The following NUMBL variants were observed in gnomAD, a reference collection of about 807,000 sequenced individuals.
NUMBL encodes numb-like protein.
A neutral mutation model predicts 48.9 loss-of-function variants in NUMBL; 20 were observed. The ratio of observed to expected loss-of-function variants is 0.41; its 90% confidence interval spans 0.29 to 0.59. NUMBL has a LOEUF of 0.59. Ranked by LOEUF, NUMBL falls within the 20% of genes least tolerant of loss-of-function variation. The pLI is 0.31. For synonymous variants in NUMBL, 340 were observed against 348.7 expected, an observed-to-expected ratio of 0.98 and a Z score of 0.28; for missense variants, 660 against 846.2, an observed-to-expected ratio of 0.78 and a Z score of 2.73.
At chr19:40,674,626 G>A (rs887784972) in intron 7 of NUMBL, among the ~76,000 whole-genome samples, 17 of 152,264 alleles carry the variant, frequency 1.1e-4, no homozygotes, top group South Asian at 8.3e-4. Flanking sequence ...ACACAATGGG[G>A]CACCCATGCA....
At chr19:40,680,859 T>TG in intron 6 of NUMBL, 58 bp downstream of exon 6, 1 of 1,594,404 alleles carries the variant, frequency 6.3e-7, no homozygotes, top group South Asian at 1.1e-5. Flanking sequence ...CTTGTAGGGG[T>TG]GGGGCTGGGA....
In NUMBL at chr19:40,682,723, C is replaced by T. The variant is rs761223402; in HGVS notation, c.399+5G>A. 1 of 1,613,998 alleles carries T rather than the reference C, an allele frequency of 6.2e-7. No homozygotes were observed. Among genetic ancestry groups the T allele is most frequent in the South Asian group, 1.1e-5 (1 of 91,066 alleles). ...CCCTGGCGTCCACCCCCACAGGCCTCCTACCTTGGTTTTGTCGTCCACCAC... is the reference window on the plus strand; with the variant it reads ...CCCTGGCGTCCACCCCCACAGGCCTTCTACCTTGGTTTTGTCGTCCACCAC... On this transcript the variant is annotated splice_donor_5th_base_variant and intron_variant, in intron 5 of 9. Coordinates refer to ENST00000252891, the MANE Select transcript of NUMBL (RefSeq NM_004756.5). The surrounding 1 kb of genome is among the most constrained non-coding windows in gnomAD (Gnocchi z 4.0).
Position 40,667,747 on chromosome 19 carries a change from T to C in NUMBL, c.1551A>G (p.Ala517=). 6.3e-7 allele frequency: 1 copy of C among 1,579,654 alleles called. No individual in the cohort carries two copies. The highest frequency in any genetic ancestry group is 8.6e-7 in the Non-Finnish European group (1 of 1,163,600). The change falls in exon 10 of 10, where the codon GCA becomes GCG. Residue 517 remains alanine, a synonymous_variant. Transcript: ENST00000252891. This position sits in a 1 kb window ranked among gnomAD's most constrained non-coding sequence, Gnocchi z 6.1. ...VVGITPSQMV[A]NAFCSAAQLQ... ...GCTGGGCGGCTGAGCAGAAGGCGTT[T>C]GCCACCATCTGTGAGGGTGTGATGC...
In NUMBL at chr19:40,687,051, G is replaced by A; in HGVS notation, c.25-56C>T. 2 of 1,098,898 alleles carry A rather than the reference G, an allele frequency of 1.8e-6. No individual in the cohort carries two copies. The highest frequency in any genetic ancestry group is 3.3e-5 in the South Asian group (2 of 60,764). The allele number at this position is 1,098,898 out of a possible 1,614,324, so 68.1% of individuals were successfully genotyped here. A position where few individuals can be genotyped will look rare whatever the true frequency, so the allele number is the denominator to read the frequency against. On this transcript the variant is annotated intron_variant, in intron 1 of 9. Transcript: ENST00000252891. The surrounding 1 kb of genome is among the most constrained non-coding windows in gnomAD (Gnocchi z 4.6). ...GTTTGTCTGGGTTGGGGCTCAGTCT[G>A]ATACTTCACCCCGACTTTGGACTTC...
At chr19:40,668,837 A>G (rs1166058722) in intron 9 of NUMBL, among the ~76,000 whole-genome samples, 1 of 152,178 alleles carries the variant, frequency 6.6e-6, no homozygotes, top group African/African-American at 2.4e-5. Context: ...AGATTCTAAG[A>G]TTGCATGGAT....
At chr19:40,680,178 C>CTGGA (rs2081897692) in intron 6 of NUMBL, among the ~76,000 whole-genome samples, 1 of 151,956 alleles carries the variant, frequency 6.6e-6, no homozygotes, top group African/African-American at 2.4e-5. Flanking sequence ...GTCACCCAGG[C>CTGGA]TGGAGTGCAG....
chr19:40,678,540 G>GCA (rs1568429656), intron 6 of NUMBL, among the ~76,000 whole-genome samples: 1 of 152,086 alleles, frequency 6.6e-6, no homozygotes, highest in African/African-American at 2.4e-5. Context: ...CAGAAAGCAG[G>GCA]CATCCATCTG....
chr19:40,680,055 T>G (rs73546892), intron 6 of NUMBL, among the ~76,000 whole-genome samples: 1,804 of 152,132 alleles, frequency 0.012, 27 homozygotes, highest in African/African-American at 0.033. Flanking sequence ...AGGAAGGAAT[T>G]CATCCAACAT....
intron 7 of NUMBL, among the ~76,000 whole-genome samples, chr19:40,675,576 A>AACACACACAC (rs3071383): frequency 3.7e-4 from 53 of 142,390 alleles, no homozygotes; most frequent in African/African-American, 1.3e-3. Flanking sequence ...TTATATTTTA[A>AACACACACAC]ACACACACAC....
intron 3 of NUMBL, chr19:40,684,068 G>GTT (rs10684015): frequency 0.3 from 37,510 of 124,966 alleles, 7,468 homozygotes; most frequent in African/African-American, 0.52. Context: ...TACGCTTCAA[G>GTT]TTTTTTTTTT....
chr19:40,679,861 T>C (rs2081895992), intron 6 of NUMBL, among the ~76,000 whole-genome samples: 1 of 152,140 alleles, frequency 6.6e-6, no homozygotes, highest in African/African-American at 2.4e-5. Context: ...GGGTCTCCTT[T>C]AGCGGTGATG....
Position 40,667,576 on chromosome 19 carries a change from C to T in NUMBL, c.1722G>A (p.Leu574=), listed in dbSNP as rs1355027070. The T allele has an allele frequency of 6.4e-7, 1 of 1,557,606 alleles. No individual in the cohort carries two copies. Residue 574 remains leucine, a synonymous_variant, in exon 10 of 10, where the codon TTG becomes TTA. Transcript: ENST00000252891. The surrounding 1 kb of genome is among the most constrained non-coding windows in gnomAD (Gnocchi z 6.1). ...PEPAPAPAPE[L]DPFEAQWAAL... ...CCGCCCACTGGGCCTCAAAGGGGTC[C>T]AACTCTGGAGCTGGGGCAGGCGCTG...
chr19:40,684,529 C>A lies in NUMBL; in HGVS notation c.137G>T (p.Arg46Leu). The A allele has an allele frequency of 1.2e-6, 2 of 1,609,842 alleles. No individual in the cohort carries two copies. Among genetic ancestry groups the A allele is most frequent in the South Asian group, 1.1e-5 (1 of 90,396 alleles). The change falls in exon 3 of 10, where the codon CGG becomes CTG. Residue 46 changes from arginine (R) to leucine (L), a missense_variant. By Grantham distance (102) the Arg-to-Leu change is moderately radical. This residue lies in a region of NUMBL where 86 missense variants were observed against 85.9 expected (regional missense o/e 1.00). Coordinates refer to ENST00000252891, the MANE Select transcript of NUMBL (RefSeq NM_004756.5). Reference sequence around the variant, plus strand: ...TGGCTTCCTCCGCCGCAGGCTCTGCCGTAACTTGTTCATGGTGCCCGCCCC... The same window carrying A: ...TGGCTTCCTCCGCCGCAGGCTCTGCAGTAACTTGTTCATGGTGCCCGCCCC... ...PDGAGTMNKL[R>L]QSLRRRKPAY...
At chr19:40,668,982 A>G (rs965584882) in intron 9 of NUMBL, among the ~76,000 whole-genome samples, 1 of 152,188 alleles carries the variant, frequency 6.6e-6, no homozygotes, top group African/African-American at 2.4e-5. Flanking sequence ...GGATAAGCCC[A>G]TGGCTCTAAG....
Position 40,669,899 on chromosome 19 carries a change from T to C in NUMBL, c.1158A>G (p.Thr386=), listed in dbSNP as rs151131252. The change falls in exon 9 of 10, where the codon ACA becomes ACG. Residue 386 remains threonine, a splice_region_variant and synonymous_variant. Coordinates refer to ENST00000252891, the MANE Select transcript of NUMBL (RefSeq NM_004756.5). ...APAPGPPPAT[T]GTSAWGEPSV... is the part of the protein sequence containing the mutation. ...GCCCAGCAGAAAGCCTGGCTTTACC[T>C]GTTGTGGCAGGTGGTGGCCCTGGTG... The C allele has an allele frequency of 1.8e-4, 296 of 1,613,230 alleles. No individual in the cohort carries two copies. Among genetic ancestry groups the C allele is most frequent in the Non-Finnish European group, 2.5e-4 (292 of 1,179,576 alleles).
Position 40,688,455 on chromosome 19 carries a change from TG to T in NUMBL, c.25-1461del, listed in dbSNP as rs2081945388. On this transcript the variant is annotated intron_variant, in intron 1 of 9. Transcript: ENST00000252891. This position sits in a 1 kb window ranked among gnomAD's most constrained non-coding sequence, Gnocchi z 4.6. ...GTGACCAGGATGTGGCATTTATAGC[TG>T]GGTTTACACAGAAGACACAGGTCCT... Among the ~76,000 whole-genome samples the T allele has an allele frequency of 2.0e-5, 3 of 152,306 alleles. No individual in the cohort carries two copies. In the South Asian group the frequency reaches 6.2e-4, roughly 32 times the overall value.
chr19:40,682,520 C>T lies in NUMBL; in HGVS notation c.399+208G>A, dbSNP rs1432572423. ...GCTGGGATCGGAGCTGAGGCAGCTG[C>T]TCCAGTCTCTCTCACCCACAGCCTA... On this transcript the variant is annotated intron_variant, in intron 5 of 9. Coordinates refer to ENST00000252891, the MANE Select transcript of NUMBL (RefSeq NM_004756.5). The surrounding 1 kb of genome is among the most constrained non-coding windows in gnomAD (Gnocchi z 4.0). 1.3e-5 allele frequency among the ~76,000 whole-genome samples: 2 copies of T among 152,218 alleles called. No homozygotes were observed. Among genetic ancestry groups the T allele is most frequent in the Non-Finnish European group, 2.9e-5 (2 of 68,038 alleles).
In NUMBL at chr19:40,686,992, C is replaced by T. The variant is rs760792387; in HGVS notation, c.28G>A (p.Gly10Arg). Residue 10 changes from glycine (G) to arginine (R), a missense_variant, in exon 2 of 10, where the codon GGA becomes AGA. By Grantham distance (125) the Gly-to-Arg change is moderately radical (BLOSUM62 -2). This residue lies in a region of NUMBL where 86 missense variants were observed against 85.9 expected (regional missense o/e 1.00). Transcript: ENST00000252891. ...AGGTGCCGCTCAGGCCTCCGGGGTC[C>T]GCCCTGCCCGAGTAGGGGAGGAGAA... MSRSAAASG[G>R]PRRPERHLPP... The T allele has an allele frequency of 1.8e-5, 27 of 1,504,216 alleles. No individual in the cohort carries two copies. The African/African-American group carries it at 1.8e-4, about 10-fold the overall frequency. The allele number at this position is 1,504,216 out of a possible 1,614,324, so 93.2% of individuals were successfully genotyped here.
chr19:40,673,370 C>A lies in NUMBL; in HGVS notation c.1010G>T (p.Arg337Leu). 1 of 1,613,294 alleles carries A rather than the reference C, an allele frequency of 6.2e-7. No homozygotes were observed. Among genetic ancestry groups the A allele is most frequent in the Non-Finnish European group, 8.5e-7 (1 of 1,179,574 alleles). The change falls in exon 8 of 10, where the codon CGC (arginine) becomes CTC (leucine). Residue 337 changes from arginine (R) to leucine (L), a missense_variant. This residue lies in a region of NUMBL where 278 missense variants were observed against 420.6 expected (regional missense o/e 0.66). Coordinates refer to ENST00000252891, the MANE Select transcript of NUMBL (RefSeq NM_004756.5). This position sits in a 1 kb window ranked among gnomAD's most constrained non-coding sequence, Gnocchi z 5.9. ...TGTGCCCTTCACCTGGAAGTCAGTG[C>A]GGCGCTGCAGCGTGGATGGCAGCTC... ...LNELPSTLQR[R>L]TDFQVKGTVP... is the part of the protein sequence containing the mutation.
Sources: gnomAD v4.1 joint callset for allele counts (sites outside exome capture counted in the v4.1 genomes callset) on GRCh38, gnomAD v4.1.1 for gene constraint, gnomAD v4.1.1 regional missense constraint, Gnocchi (gnomAD v3.1) non-coding constraint, MANE v1.5 for transcripts, NCBI Gene and HGNC (gene_info 2026-07-23, HGNC 2026-07-21) for gene names.